TASP1: variants seen among roughly 807,000 people sequenced by gnomAD.
The protein encoded by TASP1 is taspase 1.
In TASP1, 16 loss-of-function variants were observed where a neutral mutation model predicts 56.6. The ratio of observed to expected loss-of-function variants is 0.28; its 90% CI spans 0.19 to 0.43. The LOEUF (loss-of-function observed/expected upper bound fraction) is 0.43. Among genes scored for constraint, TASP1 ranks in the 20% least tolerant of loss-of-function variants. The probability of loss-of-function intolerance (pLI) is 1.00; values close to 1 mark genes in which losing one functional copy is unlikely to be tolerated. For missense variants in TASP1, 393 were observed against 511.6 expected (o/e 0.77, Z 2.24); for synonymous variants, 179 against 184.2 (o/e 0.97, Z 0.23).
the TASP1 span, among the ~76,000 whole-genome samples, chr20:13,170,984 GCT>G: frequency 2.0e-5 from 3 of 152,280 alleles, no homozygotes; most frequent in Admixed American, 2.0e-4. Flanking sequence ...CATGAATAAG[GCT>G]CTGTGTGTGA....
At chr20:13,381,199 G>A in the TASP1 span, among the ~76,000 whole-genome samples, 1 of 152,178 alleles carries the variant, frequency 6.6e-6, no homozygotes, top group Non-Finnish European at 1.5e-5. Flanking sequence ...TCAGGGCCCT[G>A]GTGGTATAGG....
At chr20:13,113,019 C>T in the TASP1 span, among the ~76,000 whole-genome samples, 2 of 152,096 alleles carry the variant, frequency 1.3e-5, no homozygotes, top group Admixed American at 6.5e-5. Context: ...CCCACCTCTA[C>T]TAAAAAGACA....
chr20:13,548,965 T>A (rs144069271), intron 8 of TASP1, among the ~76,000 whole-genome samples: 2,984 of 152,194 alleles, frequency 0.02, 52 homozygotes, highest in Non-Finnish European at 0.031. Flanking sequence ...TCCACTAGAA[T>A]AAAGAATTCC....
chr20:13,192,587 T>A, the TASP1 span, among the ~76,000 whole-genome samples: 1 of 152,004 alleles, frequency 6.6e-6, no homozygotes, highest in Non-Finnish European at 1.5e-5. Context: ...TGCTGGGAGT[T>A]CAGTGGTGCA....
chr20:13,189,981 T>C, the TASP1 span, among the ~76,000 whole-genome samples: 1 of 152,136 alleles, frequency 6.6e-6, no homozygotes, highest in Non-Finnish European at 1.5e-5. Context: ...TAAATAAGAA[T>C]AAAATTATGT....
the TASP1 span, among the ~76,000 whole-genome samples, chr20:13,372,511 A>G: frequency 6.6e-6 from 1 of 151,518 alleles, no homozygotes; most frequent in African/African-American, 2.4e-5. Context: ...CTTATTTTAT[A>G]AAACTATATC....
At chr20:13,297,661 G>T in the TASP1 span, among the ~76,000 whole-genome samples, 4 of 152,186 alleles carry the variant, frequency 2.6e-5, no homozygotes, top group Non-Finnish European at 5.9e-5. Context: ...CCATTCACCT[G>T]TTCACAGGAT....
chr20:13,221,587 C>T, the TASP1 span, among the ~76,000 whole-genome samples: 1 of 145,958 alleles, frequency 6.9e-6, no homozygotes, highest in East Asian at 2.0e-4. Context: ...CCGGCAGCTC[C>T]TGCTCCCCCG....
At chr20:13,220,967 T>G in the TASP1 span, among the ~76,000 whole-genome samples, 1 of 152,088 alleles carries the variant, frequency 6.6e-6, no homozygotes. Context: ...AGCGGGCACT[T>G]GGTACAGCCC....
chr20:13,488,616 T>C (rs983778047), intron 10 of TASP1, among the ~76,000 whole-genome samples: 1 of 152,166 alleles, frequency 6.6e-6, no homozygotes, highest in Non-Finnish European at 1.5e-5. Context: ...ATTTAATATT[T>C]ATCTAGATGA....
the TASP1 span, chr20:13,288,576 C>G: frequency 6.2e-7 from 1 of 1,613,988 alleles, no homozygotes; most frequent in Non-Finnish European, 8.5e-7. Context: ...AGTCTCTGGT[C>G]TGTCTGCAGC....
At chr20:13,431,645 A>G (rs1010526939) in intron 12 of TASP1, among the ~76,000 whole-genome samples, 2 of 152,174 alleles carry the variant, frequency 1.3e-5, no homozygotes, top group Non-Finnish European at 2.9e-5. Context: ...AGAAAAGCGA[A>G]TGCTATAGGG....
Position 13,633,723 on chromosome 20 carries a change from T to C in TASP1, c.-74-3571A>G, listed in dbSNP as rs182499921. On this transcript the variant is annotated intron_variant, in intron 1 of 13. Transcript: ENST00000337743. ...GGCTAAGTGTACTTAAGTCAATACA[T>C]AGATCCACAAGAAAAATGTCTAATA... Among the ~76,000 whole-genome samples the C allele has an allele frequency of 1.6e-4, 24 of 151,958 alleles. No homozygotes were observed. The East Asian group carries it at 1.9e-3, about 12-fold the overall frequency.
At chr20:13,576,345 GAAA>G (rs1568602934) in intron 6 of TASP1, among the ~76,000 whole-genome samples, 25 of 61,778 alleles carry the variant, frequency 4.0e-4, no homozygotes, top group African/African-American at 1.8e-3. Flanking sequence ...AAGAAAGGAA[GAAA>G]GAAAGAAAGA....
chr20:13,576,611 G>A (rs960583993), intron 6 of TASP1, among the ~76,000 whole-genome samples: 1 of 152,032 alleles, frequency 6.6e-6, no homozygotes, highest in African/African-American at 2.4e-5. Context: ...TCTATACACT[G>A]GAAACTATAA....
the TASP1 span, among the ~76,000 whole-genome samples, chr20:13,345,333 A>G: frequency 6.6e-6 from 1 of 152,180 alleles, no homozygotes; most frequent in Non-Finnish European, 1.5e-5. Flanking sequence ...TCTGACCTGT[A>G]AGGCCTTTGG....
the TASP1 span, among the ~76,000 whole-genome samples, chr20:13,290,696 G>A: frequency 6.6e-6 from 1 of 152,004 alleles, no homozygotes. Flanking sequence ...AGATAAAGGT[G>A]AAGAAGAAAA....
At chr20:13,524,905 C>T (rs372175107) in intron 10 of TASP1, among the ~76,000 whole-genome samples, 5 of 152,058 alleles carry the variant, frequency 3.3e-5, no homozygotes, top group African/African-American at 9.7e-5. Flanking sequence ...AGAAGGATTA[C>T]GGTGTGATAC....
the TASP1 span, among the ~76,000 whole-genome samples, chr20:13,196,990 C>T: frequency 2.0e-5 from 3 of 152,152 alleles, 1 homozygote; most frequent in South Asian, 4.1e-4. Context: ...TGAAAACATA[C>T]TTGATGAAAT....
Sources: gnomAD v4.1 joint callset for allele counts (sites outside exome capture counted in the v4.1 genomes callset) on GRCh38, gnomAD v4.1.1 for gene constraint, MANE v1.5 for transcripts, NCBI Gene and HGNC (gene_info 2026-07-23, HGNC 2026-07-21) for gene names.